ANKS1B: variants seen among roughly 807,000 people sequenced by gnomAD.
The protein encoded by ANKS1B is ankyrin repeat and sterile alpha motif domain-containing protein 1B.
A neutral mutation model predicts 148.3 loss-of-function variants in ANKS1B; 36 were observed. The ratio of observed to expected loss-of-function variants is 0.24; its 90% CI spans 0.19 to 0.32. The LOEUF is 0.32. Among genes scored for constraint, ANKS1B ranks in the 10% least tolerant of loss-of-function variants. ANKS1B has a pLI of 1.00. For synonymous variants in ANKS1B, 542 were observed against 560.8 expected (o/e 0.97, Z 0.47); for missense variants, 1,157 against 1,542.6 (o/e 0.75, Z 4.19).
chr12:99,942,842 C>T (rs2094954106), intron 1 of ANKS1B, among the ~76,000 whole-genome samples: 1 of 151,988 alleles, frequency 6.6e-6, no homozygotes, highest in South Asian at 2.1e-4. Context: ...CTTTATTCTA[C>T]CCTGTTGTTG....
intron 11 of ANKS1B, among the ~76,000 whole-genome samples, chr12:99,432,488 TGGAA>T (rs906190930): frequency 1.3e-5 from 2 of 151,966 alleles, no homozygotes; most frequent in African/African-American, 4.8e-5. Context: ...AAGAGAGGGA[TGGAA>T]GGAAGGAAGG....
intron 9 of ANKS1B, among the ~76,000 whole-genome samples, chr12:99,580,879 T>C (rs912246205): frequency 3.9e-5 from 6 of 152,206 alleles, no homozygotes; most frequent in African/African-American, 1.4e-4. Context: ...AATCATTATG[T>C]GCCAATTTAA....
intron 15 of ANKS1B, among the ~76,000 whole-genome samples, chr12:99,105,263 G>A (rs7979741): frequency 0.65 from 98,623 of 151,998 alleles, 32,257 homozygotes; most frequent in East Asian, 0.88. Flanking sequence ...GCCCCCCAAG[G>A]ACATGCAAAA....
At chr12:99,257,571 T>C (rs191486276) in intron 12 of ANKS1B, among the ~76,000 whole-genome samples, 42 of 152,292 alleles carry the variant, frequency 2.8e-4, no homozygotes, top group African/African-American at 9.9e-4. Flanking sequence ...ATATTATTTA[T>C]TTAAATATTT....
chr12:99,979,646 A>G (rs1231033870), intron 1 of ANKS1B, among the ~76,000 whole-genome samples: 3 of 152,132 alleles, frequency 2.0e-5, no homozygotes, highest in Non-Finnish European at 2.9e-5. Flanking sequence ...GGAATTACCA[A>G]TGGCTCACTG....
intron 1 of ANKS1B, among the ~76,000 whole-genome samples, chr12:99,889,028 T>C (rs1229725746): frequency 1.3e-5 from 2 of 148,694 alleles, no homozygotes; most frequent in African/African-American, 5.1e-5. Flanking sequence ...CACACAAAAT[T>C]TATGTACTTA....
In ANKS1B at chr12:99,211,858, C is replaced by A. The variant is rs77649120; in HGVS notation, c.2419+32484G>T. Among the ~76,000 whole-genome samples the A allele has an allele frequency of 4.2e-3, 646 of 152,194 alleles. 22 individuals are homozygous for A. The East Asian group carries it at 0.082, about 19-fold the overall frequency. ...CTTCTTTTCCTGGGGGATTAGCAAC[C>A]CAAGCAGACAGTTTCTTTCCTTCCA... On this transcript the variant is annotated intron_variant, in intron 14 of 26. Transcript: ENST00000683438.
chr12:99,737,737 C>G (rs946091605), intron 8 of ANKS1B, among the ~76,000 whole-genome samples: 3 of 152,026 alleles, frequency 2.0e-5, no homozygotes, highest in Non-Finnish European at 2.9e-5. Context: ...CTATTTCCCC[C>G]CTACCTGTAT....
At chr12:99,823,354 G>GTCAT (rs1267139375) in intron 2 of ANKS1B, among the ~76,000 whole-genome samples, 2 of 152,146 alleles carry the variant, frequency 1.3e-5, no homozygotes, top group Admixed American at 1.3e-4. Context: ...CACCCAGGCT[G>GTCAT]GAGTGCAGTC....
intron 17 of ANKS1B, among the ~76,000 whole-genome samples, chr12:98,957,572 T>G (rs2099864597): frequency 6.6e-6 from 1 of 152,000 alleles, no homozygotes; most frequent in Non-Finnish European, 1.5e-5. Flanking sequence ...GGTCTCAAAC[T>G]CCTGACCTTG....
chr12:99,635,633 G>A (rs1324316525), intron 9 of ANKS1B, among the ~76,000 whole-genome samples: 1 of 151,994 alleles, frequency 6.6e-6, no homozygotes, highest in Non-Finnish European at 1.5e-5. Context: ...TGTTTAATGG[G>A]TACAGAGTTT....
At chr12:99,044,767 G>A (rs1291895957) in intron 17 of ANKS1B, among the ~76,000 whole-genome samples, 2 of 152,034 alleles carry the variant, frequency 1.3e-5, no homozygotes, top group African/African-American at 4.8e-5. Context: ...GAAGAGAAAG[G>A]GATGGATCAT....
rs78431886 is a variant in ANKS1B at position 98,858,646 on chromosome 12, G to A, written c.2779-26510C>T. 8.6e-3 allele frequency among the ~76,000 whole-genome samples: 1,304 copies of A among 152,256 alleles called. 10 individuals are homozygous for A. The highest frequency in any genetic ancestry group is 0.048 in the Middle Eastern group (14 of 294). ...TGAGCCACCATGCCCAGTCTCAAGA[G>A]GAAATTCTTTTAGCAGAGCTTTGAG... On this transcript the variant is annotated intron_variant, in intron 17 of 26. Coordinates refer to ENST00000683438, the MANE Select transcript of ANKS1B (RefSeq NM_001352186.2).
In ANKS1B at chr12:98,992,333, G is replaced by A. The variant is rs186738386; in HGVS notation, c.2778+60824C>T. 6.6e-5 allele frequency among the ~76,000 whole-genome samples: 10 copies of A among 152,198 alleles called. No homozygotes were observed. In the East Asian group the frequency reaches 1.9e-3, roughly 29 times the overall value. On this transcript the variant is annotated intron_variant, in intron 17 of 26. Transcript: ENST00000683438. ...GCCCTCTGATATGGTTTGGCTCTCT[G>A]TTCCCATGCAAATCTCATCTCAAAT... is the stretch of plus-strand genomic sequence containing the variant.
At chr12:99,702,272 G>T (rs1388732821) in intron 8 of ANKS1B, among the ~76,000 whole-genome samples, 1 of 152,038 alleles carries the variant, frequency 6.6e-6, no homozygotes, top group Non-Finnish European at 1.5e-5. Context: ...GGATTTATTT[G>T]CATTTATCTG....
chr12:99,357,481 A>C (rs1288096479), intron 12 of ANKS1B, among the ~76,000 whole-genome samples: 2 of 152,150 alleles, frequency 1.3e-5, no homozygotes, highest in Admixed American at 6.6e-5. Flanking sequence ...CTTCAGTAAG[A>C]TCATAGTACC....
intron 9 of ANKS1B, among the ~76,000 whole-genome samples, chr12:99,604,779 C>T (rs2097838684): frequency 7.0e-6 from 1 of 143,432 alleles, no homozygotes; most frequent in Non-Finnish European, 1.5e-5. Flanking sequence ...CACACCATTG[C>T]ACTCCAGCCT....
At chr12:99,788,698 A>G (rs951384723) in intron 4 of ANKS1B, among the ~76,000 whole-genome samples, 3 of 152,050 alleles carry the variant, frequency 2.0e-5, no homozygotes, top group African/African-American at 7.2e-5. Context: ...CTTGGACAAC[A>G]TTTCTGAATC....
chr12:99,181,894 A>G (rs1364782014), intron 14 of ANKS1B, among the ~76,000 whole-genome samples: 2 of 152,052 alleles, frequency 1.3e-5, no homozygotes, highest in Non-Finnish European at 2.9e-5. Flanking sequence ...ACTATCAAAC[A>G]CCAGATCTTA....
Sources: allele counts gnomAD v4.1 joint callset (sites outside exome capture counted in the v4.1 genomes callset), GRCh38; gene constraint gnomAD v4.1.1; transcripts MANE v1.5; gene names NCBI Gene and HGNC (gene_info 2026-07-23, HGNC 2026-07-21).